Variants in RASD2 observed in about 807,000 individuals in gnomAD.
RASD2 encodes the protein GTP-binding protein Rhes.
RASD2 carries 7 observed loss-of-function variants against 15.8 expected under a neutral mutation model. That is an observed-to-expected ratio of 0.44 (90% CI 0.25 to 0.83). RASD2 has a LOEUF of 0.83. RASD2 is among the 40% of genes least tolerant of loss of function. The pLI is 0.20. For missense variants in RASD2, 274 were observed against 382.8 expected (o/e 0.72, Z 2.37); for synonymous variants, 155 against 153.6 (o/e 1.01, Z -0.07).
chr22:35,551,851 A>C lies in RASD2; in HGVS notation c.620A>C (p.Gln207Pro). 3.7e-6 allele frequency: 6 copies of C among 1,613,838 alleles called. No homozygotes were observed. The highest frequency in any genetic ancestry group is 5.1e-6 in the Non-Finnish European group (6 of 1,179,972). The change falls in exon 3 of 3, where the codon CAG (glutamine) becomes CCG (proline). Residue 207 changes from glutamine to proline, a missense_variant. By Grantham distance (76) the Gln-to-Pro change is moderately conservative (BLOSUM62 -1). Transcript: ENST00000216127. This position sits in a 1 kb window ranked among gnomAD's most constrained non-coding sequence, Gnocchi z 4.9. ...GCCCTGCATCGCAAGATCTCCGTGC[A>C]GTACGGTGACGCCTTCCACCCCAGG... is the stretch of plus-strand genomic sequence containing the variant. ...SPALHRKISV[Q>P]YGDAFHPRPF...
intron 1 of RASD2, among the ~76,000 whole-genome samples, chr22:35,543,189 G>A (rs140714160): frequency 0.015 from 2,294 of 152,224 alleles, 58 homozygotes; most frequent in African/African-American, 0.05. Context: ...TGTGGTTACT[G>A]TGCCCCCAGG....
chr22:35,539,812 G>C (rs142069123), upstream of RASD2, among the ~76,000 whole-genome samples: 5 of 152,356 alleles, frequency 3.3e-5, no homozygotes, highest in East Asian at 9.6e-4. Flanking sequence ...TAAGTAATAA[G>C]TGGTGTGGAG....
In RASD2 at chr22:35,551,425, G is replaced by A. The variant is rs1934660813; in HGVS notation, c.272-78G>A. The A allele has an allele frequency of 6.8e-7, 1 of 1,466,074 alleles. No individual in the cohort carries two copies. Among genetic ancestry groups the A allele is most frequent in the Non-Finnish European group, 9.3e-7 (1 of 1,072,536 alleles). The allele number at this position is 1,466,074 out of a possible 1,614,324, so 90.8% of individuals were successfully genotyped here. A position where few individuals can be genotyped will look rare whatever the true frequency, so the allele number is the denominator to read the frequency against. ...GGCACCTGTGACTCCCAGCTCTTAG[G>A]GCTGATGTTCTGTGGCCAGAGGAGG... On this transcript the variant is annotated intron_variant, in intron 2 of 2. Transcript: ENST00000216127. This position sits in a 1 kb window ranked among gnomAD's most constrained non-coding sequence, Gnocchi z 4.9.
At chr22:35,543,821 CT>C (rs1934418248) in intron 1 of RASD2, among the ~76,000 whole-genome samples, 1 of 149,076 alleles carries the variant, frequency 6.7e-6, no homozygotes, top group African/African-American at 2.5e-5. Context: ...CTCTCTGACT[CT>C]TTGCCTCCTC....
intron 2 of RASD2, among the ~76,000 whole-genome samples, chr22:35,550,217 C>A (rs1422185955): frequency 6.6e-6 from 1 of 151,990 alleles, no homozygotes; most frequent in Non-Finnish European, 1.5e-5. Context: ...GAGCTGAGAT[C>A]TTGCCATTGC....
intron 2 of RASD2, 140 bp downstream of exon 2, chr22:35,547,220 G>A (rs1013159026): frequency 1.7e-6 from 2 of 1,169,674 alleles, no homozygotes; most frequent in African/African-American, 1.5e-5. Flanking sequence ...GGCTCAGAGA[G>A]GTTTTGCCAT....
At chr22:35,538,657 C>T (rs896452692), upstream of RASD2, among the ~76,000 whole-genome samples, 2 of 152,182 alleles carry the variant, frequency 1.3e-5, no homozygotes, top group Non-Finnish European at 2.9e-5. Context: ...GCTCCCCTCG[C>T]GACTGGGATA....
At chr22:35,544,833 A>G (rs1291482945) in intron 1 of RASD2, among the ~76,000 whole-genome samples, 1 of 152,174 alleles carries the variant, frequency 6.6e-6, no homozygotes, top group Non-Finnish European at 1.5e-5. Context: ...GGAGAATAAC[A>G]CCACCTGCTT....
rs141556070 is a variant in RASD2 at position 35,553,472 on chromosome 22, G to T, written c.*1440G>T. The stretch of plus-strand genomic sequence containing the variant: ...CATATTGAAGTTTTAGGGCCCTAAG[G>T]AACCTTAGTGATCTTCTATTGGGTC... On this transcript the variant is annotated 3_prime_UTR_variant, in exon 3 of 3. Transcript: ENST00000216127. 1 of 152,492 alleles carries T rather than the reference G, an allele frequency of 6.6e-6. No homozygotes were observed. The highest frequency in any genetic ancestry group is 2.1e-4 in the South Asian group (1 of 4,830). 9.4% of individuals were successfully genotyped at this position (152,492 alleles called of 1,614,324 possible).
At chr22:35,549,522 G>A (rs1359344917) in intron 2 of RASD2, among the ~76,000 whole-genome samples, 1 of 152,164 alleles carries the variant, frequency 6.6e-6, no homozygotes, top group Non-Finnish European at 1.5e-5. Flanking sequence ...GTCCTCAGGG[G>A]CCCCGGATTA....
intron 2 of RASD2, among the ~76,000 whole-genome samples, chr22:35,548,909 G>A (rs192565411): frequency 6.6e-6 from 1 of 152,312 alleles, no homozygotes; most frequent in African/African-American, 2.4e-5. Flanking sequence ...CTTGTGGCGG[G>A]AGCTTCCAGC....
Position 35,546,990 on chromosome 22 carries a change from A to C in RASD2, c.181A>C (p.Asn61His), listed in dbSNP as rs747287601. 26 of 1,613,990 alleles carry C rather than the reference A, an allele frequency of 1.6e-5. No homozygotes were observed. Among genetic ancestry groups the C allele is most frequent in the Non-Finnish European group, 2.1e-5 (25 of 1,180,034 alleles). ...CGAGGACTTCCACCGTAAGGTATACAACATCCGCGGCGACATGTACCAGCT... is the reference window on the plus strand; with the variant it reads ...CGAGGACTTCCACCGTAAGGTATACCACATCCGCGGCGACATGTACCAGCT... ...TIEDFHRKVY[N>H]IRGDMYQLDI... Residue 61 changes from asparagine to histidine, a missense_variant, in exon 2 of 3, where the codon AAC (asparagine) becomes CAC (histidine). Transcript: ENST00000216127.
upstream of RASD2, among the ~76,000 whole-genome samples, chr22:35,538,615 G>T: frequency 6.6e-6 from 1 of 152,344 alleles, no homozygotes; most frequent in South Asian, 2.1e-4. Flanking sequence ...GCTGGGGCAA[G>T]TGGACCTCCC....
chr22:35,545,233 C>T (rs1228745395), intron 1 of RASD2, among the ~76,000 whole-genome samples: 1 of 152,120 alleles, frequency 6.6e-6, no homozygotes, highest in African/African-American at 2.4e-5. Flanking sequence ...GCCAGGGACT[C>T]GCACGCAGGC....
At chr22:35,548,898 G>C (rs1012213872) in intron 2 of RASD2, among the ~76,000 whole-genome samples, 1 of 152,220 alleles carries the variant, frequency 6.6e-6, no homozygotes, top group Admixed American at 6.5e-5. Context: ...CTGCAAGAAG[G>C]CTTGTGGCGG....
At chr22:35,538,360 G>T (rs943002346), upstream of RASD2, among the ~76,000 whole-genome samples, 2 of 152,040 alleles carry the variant, frequency 1.3e-5, no homozygotes, top group East Asian at 3.9e-4. Context: ...ATGGTCACAG[G>T]TTATATGGGA....
At chr22:35,544,310 G>A (rs981416765) in intron 1 of RASD2, among the ~76,000 whole-genome samples, 5 of 152,218 alleles carry the variant, frequency 3.3e-5, no homozygotes, top group South Asian at 2.1e-4. Context: ...AGACAGCCCC[G>A]GCAGAGACTG....
chr22:35,543,845 C>A (rs992474873), intron 1 of RASD2, among the ~76,000 whole-genome samples: 3 of 151,158 alleles, frequency 2.0e-5, no homozygotes, highest in African/African-American at 7.3e-5. Flanking sequence ...TGACTCCCTG[C>A]CTCCTCTCTC....
chr22:35,546,759 G>T, intron 1 of RASD2, 42 bp from the exon 2 acceptor site: 1 of 1,589,930 alleles, frequency 6.3e-7, no homozygotes, highest in East Asian at 2.3e-5. Context: ...GTGGGGCCAG[G>T]TCGGGGGGGC....
Sources: allele counts gnomAD v4.1 joint callset (sites outside exome capture counted in the v4.1 genomes callset), GRCh38; gene constraint gnomAD v4.1.1; non-coding constraint Gnocchi (gnomAD v3.1); transcripts MANE v1.5; gene names NCBI Gene and HGNC (gene_info 2026-07-23, HGNC 2026-07-21).